Variants in PLEKHM3 observed in about 807,000 individuals in gnomAD.
PLEKHM3 encodes pleckstrin homology domain containing M3.
In PLEKHM3, 45 loss-of-function variants were observed where a neutral mutation model predicts 81.8. The ratio of observed to expected loss-of-function variants is 0.55; its 90% CI spans 0.43 to 0.71. The LOEUF is 0.71. Among genes scored for constraint, PLEKHM3 ranks in the 30% least tolerant of loss-of-function variants. PLEKHM3 has a pLI of 0.00. For missense variants in PLEKHM3, 788 were observed against 924.3 expected, an observed-to-expected ratio of 0.85 and a Z score of 1.91; for synonymous variants, 352 against 356.4, an observed-to-expected ratio of 0.99 and a Z score of 0.14.
At chr2:207,866,760 T>C (rs980866764) in intron 6 of PLEKHM3, among the ~76,000 whole-genome samples, 4 of 152,156 alleles carry the variant, frequency 2.6e-5, no homozygotes, top group African/African-American at 9.7e-5. Flanking sequence ...TTAAATTTCA[T>C]GTAGGCTTCA....
intron 7 of PLEKHM3, among the ~76,000 whole-genome samples, chr2:207,830,686 C>A (rs1265761825): frequency 7.0e-6 from 1 of 143,770 alleles, no homozygotes; most frequent in African/African-American, 2.6e-5. Context: ...AGAAGAAGGA[C>A]ACTTCTTCTA....
chr2:208,022,142 G>A (rs1197478110), intron 1 of PLEKHM3, among the ~76,000 whole-genome samples: 1 of 152,178 alleles, frequency 6.6e-6, no homozygotes, highest in Non-Finnish European at 1.5e-5. Context: ...TACAGCAAGT[G>A]TGCATCCCTC....
In PLEKHM3 at chr2:207,979,529, C is replaced by T. The variant is rs527780698; in HGVS notation, c.611-1943G>A. 3.4e-5 allele frequency among the ~76,000 whole-genome samples: 5 copies of T among 148,314 alleles called. No homozygotes were observed. In the South Asian group the frequency reaches 6.4e-4, roughly 19 times the overall value. ...AGCCTGGGTAACAAGAGTGAAACGC[C>T]GTCTCAGAAAAAAAAAAAAAAAGAA... On this transcript the variant is annotated intron_variant, in intron 2 of 7. Coordinates refer to ENST00000427836, the MANE Select transcript of PLEKHM3 (RefSeq NM_001080475.3).
rs370158127 is a variant in PLEKHM3, at chr2:207,881,048, C to CTTCTGAAT, written c.1951-19794_1951-19787dup. ...AAACACTCTGAATATAGTAGATCCT[C>CTTCTGAAT]TTCTGAATTTCTGAATTTATCTTAA... On this transcript the variant is annotated intron_variant, in intron 6 of 7. Transcript: ENST00000427836. Among the ~76,000 whole-genome samples, 671 of 151,702 alleles carry CTTCTGAAT rather than the reference C, an allele frequency of 4.4e-3. 10 individuals are homozygous for CTTCTGAAT. The highest frequency in any genetic ancestry group is 0.013 in the African/African-American group (556 of 41,420).
chr2:207,884,304 A>G (rs1173533008), intron 6 of PLEKHM3, among the ~76,000 whole-genome samples: 2 of 152,192 alleles, frequency 1.3e-5, no homozygotes, highest in African/African-American at 4.8e-5. Flanking sequence ...CTCTCACCAC[A>G]TCTATTCAGT....
intron 1 of PLEKHM3, among the ~76,000 whole-genome samples, chr2:208,009,348 G>A (rs1038790009): frequency 2.0e-5 from 3 of 152,048 alleles, no homozygotes; most frequent in African/African-American, 4.8e-5. Context: ...CACCTCTTCC[G>A]CAAGCTTTTT....
At chr2:207,952,265 G>T (rs1690353099) in intron 3 of PLEKHM3, among the ~76,000 whole-genome samples, 1 of 152,168 alleles carries the variant, frequency 6.6e-6, no homozygotes, top group African/African-American at 2.4e-5. Flanking sequence ...AGGGAGAGAT[G>T]TCCACAGGAA....
chr2:207,944,950 C>G (rs995057798), intron 4 of PLEKHM3, among the ~76,000 whole-genome samples: 5 of 152,198 alleles, frequency 3.3e-5, no homozygotes, highest in African/African-American at 1.2e-4. Context: ...TTCTCTTCTT[C>G]CTTTTATAGC....
intron 7 of PLEKHM3, among the ~76,000 whole-genome samples, chr2:207,832,312 AC>A (rs2092293047): frequency 6.6e-6 from 1 of 151,992 alleles, no homozygotes; most frequent in Non-Finnish European, 1.5e-5. Context: ...CCCTCCCCCA[AC>A]CCTTTTCTCT....
At chr2:208,021,568 T>C (rs1416972318) in intron 1 of PLEKHM3, among the ~76,000 whole-genome samples, 5 of 152,260 alleles carry the variant, frequency 3.3e-5, no homozygotes. Flanking sequence ...CAATGTTTTA[T>C]AGTCATTGTA....
At chr2:207,934,098 T>TA (rs907068997) in intron 4 of PLEKHM3, among the ~76,000 whole-genome samples, 3 of 151,764 alleles carry the variant, frequency 2.0e-5, no homozygotes, top group East Asian at 1.9e-4. Context: ...TTAAAAATGT[T>TA]AAAAAAAAAG....
At chr2:207,989,507 A>G (rs535707220) in intron 2 of PLEKHM3, among the ~76,000 whole-genome samples, 1 of 152,214 alleles carries the variant, frequency 6.6e-6, no homozygotes, top group Admixed American at 6.5e-5. Flanking sequence ...TCTATCCCCA[A>G]TTACAGCCTT....
chr2:208,008,090 TAGTC>T (rs1383067478), intron 1 of PLEKHM3, among the ~76,000 whole-genome samples: 2 of 151,140 alleles, frequency 1.3e-5, no homozygotes, highest in Non-Finnish European at 2.9e-5. Context: ...AATAAAAAAT[TAGTC>T]AGGTGTGGTG....
At chr2:208,012,893 T>A (rs536054417) in intron 1 of PLEKHM3, among the ~76,000 whole-genome samples, 1 of 152,374 alleles carries the variant, frequency 6.6e-6, no homozygotes, top group African/African-American at 2.4e-5. Context: ...TAACCATTTA[T>A]CCTCAACAAG....
chr2:207,925,309 C>G (rs1359049458), intron 5 of PLEKHM3, among the ~76,000 whole-genome samples: 1 of 152,112 alleles, frequency 6.6e-6, no homozygotes, highest in Non-Finnish European at 1.5e-5. Flanking sequence ...TTCTACTGAT[C>G]CTGTGTGCTC....
intron 2 of PLEKHM3, among the ~76,000 whole-genome samples, chr2:207,983,663 C>G (rs1691619998): frequency 6.6e-6 from 1 of 152,126 alleles, no homozygotes; most frequent in Non-Finnish European, 1.5e-5. Flanking sequence ...TTCTGTTCCT[C>G]CTCAGTGAAG....
chr2:207,839,078 T>C lies in PLEKHM3; in HGVS notation c.2109-10582A>G, dbSNP rs551547521. Reference sequence around the variant, plus strand: ...ACCTTCTTAATGTAAAATTGAAACATTTACCTGCCAAGTTTTTGAAGTAAG... The same window carrying C: ...ACCTTCTTAATGTAAAATTGAAACACTTACCTGCCAAGTTTTTGAAGTAAG... On this transcript the variant is annotated intron_variant, in intron 7 of 7. Coordinates refer to ENST00000427836, the MANE Select transcript of PLEKHM3 (RefSeq NM_001080475.3). Among the ~76,000 whole-genome samples the C allele has an allele frequency of 6.6e-5, 10 of 152,246 alleles. No individual in the cohort carries two copies. The South Asian group carries it at 1.9e-3, about 28-fold the overall frequency.
chr2:208,014,809 C>T (rs1194871291), intron 1 of PLEKHM3, among the ~76,000 whole-genome samples: 1 of 152,182 alleles, frequency 6.6e-6, no homozygotes, highest in East Asian at 1.9e-4. Flanking sequence ...GGGGCTCTGA[C>T]TGATCCATAC....
chr2:207,975,795 C>T (rs1018140428), intron 3 of PLEKHM3, among the ~76,000 whole-genome samples: 1 of 151,442 alleles, frequency 6.6e-6, no homozygotes, highest in African/African-American at 2.4e-5. Context: ...TGGGGTTTCA[C>T]TATGTTGGCC....
Sources: allele counts gnomAD v4.1 joint callset (sites outside exome capture counted in the v4.1 genomes callset), GRCh38; gene constraint gnomAD v4.1.1; transcripts MANE v1.5; gene names NCBI Gene and HGNC (gene_info 2026-07-23, HGNC 2026-07-21).